MCTP2: variants seen among roughly 807,000 people sequenced by gnomAD.
MCTP2 encodes multiple C2 and transmembrane domain-containing protein 2.
MCTP2 carries 132 observed loss-of-function variants against 111.6 expected under a neutral mutation model. The observed-to-expected ratio is 1.18, with a 90% CI of 1.03 to 1.37. MCTP2 has a LOEUF of 1.37. MCTP2 is among the 40% of genes most tolerant of loss of function. MCTP2 has a pLI of 0.00. For missense variants in MCTP2, 1,183 were observed against 1,067.9 expected (o/e 1.11, Z -1.50); for synonymous variants, 395 against 387.7 (o/e 1.02, Z -0.22).
chr15:94,388,443 A>G (rs895975994), intron 14 of MCTP2, among the ~76,000 whole-genome samples: 2 of 152,240 alleles, frequency 1.3e-5, no homozygotes, highest in African/African-American at 4.8e-5. Flanking sequence ...CACCTGCAAC[A>G]TTCCCTCTCC....
chr15:94,313,263 T>TA (rs1339522324), intron 2 of MCTP2, among the ~76,000 whole-genome samples: 2 of 152,172 alleles, frequency 1.3e-5, no homozygotes, highest in Non-Finnish European at 2.9e-5. Context: ...GAAACTCTGT[T>TA]AAAGTTCCAG....
intron 4 of MCTP2, among the ~76,000 whole-genome samples, chr15:94,330,725 T>G (rs1031106721): frequency 6.8e-6 from 1 of 147,324 alleles, no homozygotes; most frequent in African/African-American, 2.7e-5. Flanking sequence ...TGCAGGCATA[T>G]GGGAGTGTTT....
chr15:94,254,343 T>TAA (rs1486098636), intron 1 of MCTP2, among the ~76,000 whole-genome samples: 2 of 152,190 alleles, frequency 1.3e-5, no homozygotes, highest in African/African-American at 4.8e-5. Flanking sequence ...GCCTAAGGTA[T>TAA]AAGCACAGAT....
intron 4 of MCTP2, among the ~76,000 whole-genome samples, chr15:94,337,504 A>G (rs1361149490): frequency 2.0e-5 from 3 of 147,962 alleles, no homozygotes. Context: ...ACTTTTTTAT[A>G]TATATATATC....
chr15:94,343,492 A>C (rs1469919306), intron 7 of MCTP2: 1 of 152,136 alleles, frequency 6.6e-6, no homozygotes, highest in Non-Finnish European at 1.5e-5. Context: ...GCTGACAAAA[A>C]TCTCAGTATG....
intron 1 of MCTP2, among the ~76,000 whole-genome samples, chr15:94,293,519 G>C (rs994882972): frequency 6.6e-6 from 1 of 152,176 alleles, no homozygotes; most frequent in Non-Finnish European, 1.5e-5. Context: ...GGGTTTTTCA[G>C]TATTATCAAC....
intron 1 of MCTP2, among the ~76,000 whole-genome samples, chr15:94,242,025 A>G (rs1596132418): frequency 6.6e-6 from 1 of 152,292 alleles, no homozygotes; most frequent in East Asian, 1.9e-4. Context: ...AGGAGAGAAA[A>G]GGTTCCAAAT....
intron 1 of MCTP2, among the ~76,000 whole-genome samples, chr15:94,267,078 T>C (rs1173485254): frequency 2.0e-5 from 3 of 152,230 alleles, no homozygotes; most frequent in Non-Finnish European, 2.9e-5. Context: ...GCTTTTTGAA[T>C]AATTTACATA....
intron 1 of MCTP2, among the ~76,000 whole-genome samples, chr15:94,290,517 AG>A (rs1332965020): frequency 6.6e-6 from 1 of 152,232 alleles, no homozygotes; most frequent in Non-Finnish European, 1.5e-5. Flanking sequence ...CAGAACAAGA[AG>A]GAAATGATAA....
intron 9 of MCTP2, 104 bp from the exon 10 acceptor site, chr15:94,358,378 C>A (rs2078743912): frequency 2.8e-6 from 3 of 1,060,994 alleles, no homozygotes; most frequent in Admixed American, 4.9e-5. Flanking sequence ...GGGTGAGGTC[C>A]ATCATCTTGA....
At chr15:94,408,293 A>G (rs901318930) in intron 17 of MCTP2, among the ~76,000 whole-genome samples, 3 of 152,228 alleles carry the variant, frequency 2.0e-5, no homozygotes, top group African/African-American at 7.2e-5. Context: ...TTCAGTTACA[A>G]TAACCAGAAG....
At chr15:94,236,368 CTTTTTTTTCTTTTTTTTTTTT>C (rs1256974162) in intron 1 of MCTP2, among the ~76,000 whole-genome samples, 8 of 67,186 alleles carry the variant, frequency 1.2e-4, no homozygotes, top group African/African-American at 4.7e-4. Flanking sequence ...TCAATCCTTT[CTTTTTTTTCTTTTTTTTTTTT>C]TTTTTTTTTT....
At chr15:94,460,719 C>T (rs1359139255) in intron 20 of MCTP2, among the ~76,000 whole-genome samples, 1 of 152,208 alleles carries the variant, frequency 6.6e-6, no homozygotes, top group Admixed American at 6.5e-5. Flanking sequence ...CAGCTGTGCC[C>T]AGCACAGCTG....
chr15:94,256,488 TCTC>T lies in MCTP2; in HGVS notation c.-66+24827_-66+24829del, dbSNP rs368202133. The stretch of plus-strand genomic sequence containing the variant: ...ATACTAAACTTTGTCCTTAAGCTGT[TCTC>T]CTACAAAATATGGGACTCCTTTCAG... On this transcript the variant is annotated intron_variant, in intron 1 of 22. Coordinates refer to ENST00000357742, the MANE Select transcript of MCTP2 (RefSeq NM_001385001.1). 2.0e-3 allele frequency among the ~76,000 whole-genome samples: 307 copies of T among 152,286 alleles called. 2 individuals are homozygous for T. The highest frequency in any genetic ancestry group is 6.8e-3 in the African/African-American group (284 of 41,540).
At position 94,347,901 on chromosome 15, in the gene MCTP2, T is replaced by TACACACAC. The variant is rs57419585; in HGVS notation, c.1005+2747_1005+2754dup. ...TCTCTCTCTCACACACACACAGACA[T>TACACACAC]ACACACACACACACACATACACTCC... On this transcript the variant is annotated intron_variant, in intron 8 of 22. Transcript: ENST00000357742. 2.7e-3 allele frequency among the ~76,000 whole-genome samples: 407 copies of TACACACAC among 149,566 alleles called. 1 individual carries two copies. The highest frequency in any genetic ancestry group is 7.8e-3 in the South Asian group (37 of 4,718).
In MCTP2 at chr15:94,399,957, A is replaced by G. The variant is rs1291162991; in HGVS notation, c.1927A>G (p.Lys643Glu). 6.2e-7 allele frequency: 1 copy of G among 1,613,862 alleles called. No individual in the cohort carries two copies. The highest frequency in any genetic ancestry group is 8.5e-7 in the Non-Finnish European group (1 of 1,179,910). The change falls in exon 16 of 23, where the codon AAG becomes GAG. Residue 643 changes from lysine (K) to glutamate (E), a missense_variant. Lys to Glu is a moderately conservative substitution (Grantham distance 56). Transcript: ENST00000357742. ...TATTAGGACTTTTACTCCCCGGGAA[A>G]AGCGCTTTGTTGAAGACAGCCGCAA... ...ASIRTFTPRE[K>E]RFVEDSRKLS... is the part of the protein sequence containing the mutation.
chr15:94,342,965 C>T (rs2077740079), intron 7 of MCTP2: 2 of 149,484 alleles, frequency 1.3e-5, no homozygotes, highest in South Asian at 2.1e-4. Context: ...TGTATATATA[C>T]ACATATATAT....
rs576687951 is a variant in MCTP2, at chr15:94,247,274, C to T, written c.-66+15610C>T. ...ATCAGTCAGCTCCTCATGAGTGCTTCCTGGGTGCCTCACCTGCTGCCCTTT... is the reference window on the plus strand; with the variant it reads ...ATCAGTCAGCTCCTCATGAGTGCTTTCTGGGTGCCTCACCTGCTGCCCTTT... On this transcript the variant is annotated intron_variant, in intron 1 of 22. Coordinates refer to ENST00000357742, the MANE Select transcript of MCTP2 (RefSeq NM_001385001.1). 1.6e-3 allele frequency among the ~76,000 whole-genome samples: 242 copies of T among 152,200 alleles called. 1 individual carries two copies. Among genetic ancestry groups the T allele is most frequent in the Non-Finnish European group, 2.9e-3 (196 of 67,998 alleles).
intron 1 of MCTP2, among the ~76,000 whole-genome samples, chr15:94,267,870 T>TTTTCTTTC (rs1491255028): frequency 9.8e-5 from 1 of 10,178 alleles, no homozygotes; most frequent in Non-Finnish European, 1.8e-4. Context: ...CTTTTCTTTC[T>TTTTCTTTC]TTTTTTTTTT....
Sources: gnomAD v4.1 joint callset for allele counts (sites outside exome capture counted in the v4.1 genomes callset) on GRCh38, gnomAD v4.1.1 for gene constraint, MANE v1.5 for transcripts, NCBI Gene and HGNC (gene_info 2026-07-23, HGNC 2026-07-21) for gene names.